NSMCE2: variants seen among roughly 807,000 people sequenced by gnomAD.
NSMCE2 encodes NSE2 SUMO ligase component of SMC5/6 complex, also known as E3 SUMO-protein ligase NSE2.
NSMCE2 carries 24 observed loss-of-function variants against 23.8 expected under a neutral mutation model. That is an observed-to-expected ratio of 1.01 (90% CI 0.73 to 1.42). The LOEUF (loss-of-function observed/expected upper bound fraction) is 1.42. NSMCE2 is among the 40% of genes most tolerant of loss of function. NSMCE2 has a pLI of 0.00. For synonymous variants in NSMCE2, 92 were observed against 94.1 expected, an observed-to-expected ratio of 0.98 and a Z score of 0.13; for missense variants, 284 against 296.5, an observed-to-expected ratio of 0.96 and a Z score of 0.31.
At chr8:125,114,324 C>A (rs768643216) in intron 3 of NSMCE2, among the ~76,000 whole-genome samples, 1 of 152,106 alleles carries the variant, frequency 6.6e-6, no homozygotes, top group Non-Finnish European at 1.5e-5. Flanking sequence ...TACCCTTACC[C>A]GCTGCTATTG....
At chr8:125,168,855 A>G (rs1822030576) in intron 4 of NSMCE2, among the ~76,000 whole-genome samples, 1 of 152,232 alleles carries the variant, frequency 6.6e-6, no homozygotes, top group Non-Finnish European at 1.5e-5. Context: ...TGTGGTAATA[A>G]GAATGAAGCC....
intron 4 of NSMCE2, among the ~76,000 whole-genome samples, chr8:125,178,349 G>A (rs1267277730): frequency 6.6e-6 from 1 of 152,070 alleles, no homozygotes; most frequent in African/African-American, 2.4e-5. Flanking sequence ...TGAGTAAGCG[G>A]GTGGTACAGA....
intron 5 of NSMCE2, among the ~76,000 whole-genome samples, chr8:125,298,866 A>G (rs1828440931): frequency 6.6e-6 from 1 of 152,048 alleles, no homozygotes; most frequent in South Asian, 2.1e-4. Context: ...AAAACTCAGG[A>G]CAGTGTTAGT....
intron 3 of NSMCE2, among the ~76,000 whole-genome samples, chr8:125,125,584 ACTT>A (rs776380062): frequency 4.6e-5 from 7 of 152,170 alleles, no homozygotes; most frequent in Non-Finnish European, 8.8e-5. Flanking sequence ...CTTTAGTAGA[ACTT>A]CTGTACTGGA....
At chr8:125,199,752 A>G (rs1402923442) in intron 5 of NSMCE2, among the ~76,000 whole-genome samples, 4 of 152,168 alleles carry the variant, frequency 2.6e-5, no homozygotes, top group African/African-American at 9.7e-5. Context: ...TGTCTTGTTT[A>G]TCAGTCTAAT....
chr8:125,253,357 G>T (rs1473591569), intron 5 of NSMCE2, among the ~76,000 whole-genome samples: 1 of 152,198 alleles, frequency 6.6e-6, no homozygotes, highest in Non-Finnish European at 1.5e-5. Flanking sequence ...GATTGATAAT[G>T]TTTAACCCCT....
At chr8:125,212,992 A>G (rs1414007983) in intron 5 of NSMCE2, among the ~76,000 whole-genome samples, 1 of 152,242 alleles carries the variant, frequency 6.6e-6, no homozygotes, top group East Asian at 1.9e-4. Flanking sequence ...TGTTAAAAAA[A>G]TCAATATGTA....
At chr8:125,224,903 T>C (rs1825029173) in intron 5 of NSMCE2, among the ~76,000 whole-genome samples, 1 of 152,188 alleles carries the variant, frequency 6.6e-6, no homozygotes, top group South Asian at 2.1e-4. Context: ...GTTGATTGAC[T>C]TTATTGAGGA....
intron 5 of NSMCE2, among the ~76,000 whole-genome samples, chr8:125,313,394 A>T (rs1273183306): frequency 1.3e-5 from 2 of 152,174 alleles, no homozygotes; most frequent in East Asian, 3.8e-4. Context: ...AGTTGAGTTA[A>T]TTTACTGTGT....
At chr8:125,146,453 T>C (rs1399820443) in intron 3 of NSMCE2, among the ~76,000 whole-genome samples, 34 of 152,200 alleles carry the variant, frequency 2.2e-4, no homozygotes, top group Non-Finnish European at 8.8e-5. Context: ...ACACATATGT[T>C]TATTGCGGCA....
intron 4 of NSMCE2, among the ~76,000 whole-genome samples, chr8:125,169,825 C>T (rs1309747375): frequency 6.6e-6 from 1 of 152,134 alleles, no homozygotes; most frequent in Non-Finnish European, 1.5e-5. Flanking sequence ...ATGGTGTACA[C>T]CCCTCCTTAC....
chr8:125,220,734 T>C (rs1824818112), intron 5 of NSMCE2, among the ~76,000 whole-genome samples: 1 of 152,190 alleles, frequency 6.6e-6, no homozygotes. Context: ...CAAAAGCCCT[T>C]TCAGAAGATT....
chr8:125,363,054 GATATTCAGGGTT>G (rs1238394776), intron 7 of NSMCE2: 1 of 152,252 alleles, frequency 6.6e-6, no homozygotes, highest in Admixed American at 6.5e-5. Flanking sequence ...GTCCAAAGCA[GATATTCAGGGTT>G]ATGTTTTAAG....
chr8:125,238,971 T>G (rs908526056), intron 5 of NSMCE2, among the ~76,000 whole-genome samples: 1 of 152,214 alleles, frequency 6.6e-6, no homozygotes, highest in Admixed American at 6.5e-5. Context: ...GGGGCCGAAT[T>G]GTTATTCAAA....
intron 3 of NSMCE2, among the ~76,000 whole-genome samples, chr8:125,115,639 T>C (rs2130457601): frequency 6.6e-6 from 1 of 152,242 alleles, no homozygotes; most frequent in Admixed American, 6.5e-5. Flanking sequence ...TAATCCCAGC[T>C]ACTTGGGAGG....
chr8:125,162,532 A>G (rs1485872207), intron 4 of NSMCE2, among the ~76,000 whole-genome samples: 1 of 152,096 alleles, frequency 6.6e-6, no homozygotes, highest in Non-Finnish European at 1.5e-5. Flanking sequence ...GTGTGGCCAT[A>G]AGCAATTTTC....
At chr8:125,243,669 A>G (rs59667546) in intron 5 of NSMCE2, among the ~76,000 whole-genome samples, 4,837 of 152,276 alleles carry the variant, frequency 0.032, 260 homozygotes, top group African/African-American at 0.11. Flanking sequence ...AATTATAAGA[A>G]CTATAAAGAA....
chr8:125,132,974 G>A (rs1033330110), intron 3 of NSMCE2, among the ~76,000 whole-genome samples: 4 of 152,158 alleles, frequency 2.6e-5, no homozygotes, highest in South Asian at 4.1e-4. Flanking sequence ...AGGAAACTGA[G>A]CACCAGTAAG....
intron 3 of NSMCE2, among the ~76,000 whole-genome samples, chr8:125,140,135 C>T (rs186763402): frequency 2.4e-4 from 37 of 152,258 alleles, no homozygotes; most frequent in Admixed American, 8.5e-4. Context: ...ATTTTTCAAC[C>T]GTATGCTTGA....
Sources: gnomAD v4.1 joint callset for allele counts (sites outside exome capture counted in the v4.1 genomes callset) on GRCh38, gnomAD v4.1.1 for gene constraint, MANE v1.5 for transcripts, NCBI Gene and HGNC (gene_info 2026-07-23, HGNC 2026-07-21) for gene names.